LARGE1: variants seen among roughly 807,000 people sequenced by gnomAD.
The protein encoded by LARGE1 is xylosyl- and glucuronyltransferase LARGE1.
A neutral mutation model predicts 87.6 loss-of-function variants in LARGE1; 43 were observed. That is an observed-to-expected ratio of 0.49 (90% confidence interval 0.38 to 0.63). The LOEUF is 0.63. Ranked by LOEUF, LARGE1 falls within the 30% of genes least tolerant of loss-of-function variation. LARGE1 has a pLI of 0.00. For synonymous variants in LARGE1, 434 were observed against 394.6 expected (o/e 1.10, Z -1.18); for missense variants, 802 against 1,000.2 (o/e 0.80, Z 2.67).
chr22:33,421,214 CAAT>C (rs2066683841), intron 7 of LARGE1, among the ~76,000 whole-genome samples: 3 of 55,550 alleles, frequency 5.4e-5, no homozygotes, highest in Non-Finnish European at 1.2e-4. Context: ...AAAATAAAAT[CAAT>C]CAATCAATCA....
intron 3 of LARGE1, among the ~76,000 whole-genome samples, chr22:33,640,752 G>T (rs114162427): frequency 6.6e-6 from 1 of 152,166 alleles, no homozygotes; most frequent in African/African-American, 2.4e-5. Flanking sequence ...GGTGGAGAAA[G>T]GGGCGTCCAC....
chr22:33,141,032 A>G, the LARGE1 span, among the ~76,000 whole-genome samples: 1 of 152,196 alleles, frequency 6.6e-6, no homozygotes, highest in Admixed American at 6.5e-5. Flanking sequence ...TTGCTGGTGA[A>G]GGAGTCATTA....
At position 33,490,891 on chromosome 22, in the gene LARGE1, T is replaced by C. The variant is rs930829126; in HGVS notation, c.788-58626A>G. 2.0e-5 allele frequency among the ~76,000 whole-genome samples: 3 copies of C among 152,208 alleles called. No homozygotes were observed. The South Asian group carries it at 6.2e-4, about 31-fold the overall frequency. On this transcript the variant is annotated intron_variant, in intron 6 of 14. Transcript: ENST00000397394. ...CTCTGTTGTTCACCTCTTCCTACCA[T>C]TGTCGCCAGTTTCCTGGGTACTCTT...
At chr22:33,515,118 T>TAA (rs57550411) in intron 6 of LARGE1, among the ~76,000 whole-genome samples, 1 of 134,426 alleles carries the variant, frequency 7.4e-6, no homozygotes. Flanking sequence ...CAGGTGTAGC[T>TAA]AAAAAAAAAA....
At chr22:33,594,515 C>A (rs2078926190) in intron 5 of LARGE1, among the ~76,000 whole-genome samples, 1 of 152,192 alleles carries the variant, frequency 6.6e-6, no homozygotes, top group East Asian at 1.9e-4. Context: ...TTACCCTGCC[C>A]ATTGCTTTCT....
intron 2 of LARGE1, among the ~76,000 whole-genome samples, chr22:33,682,465 A>T (rs1401396885): frequency 6.6e-6 from 1 of 152,132 alleles, no homozygotes; most frequent in Non-Finnish European, 1.5e-5. Context: ...TTGCCCCCAA[A>T]TGGGAAATTC....
chr22:33,150,890 C>T, the LARGE1 span, among the ~76,000 whole-genome samples: 8 of 151,894 alleles, frequency 5.3e-5, no homozygotes, highest in South Asian at 2.1e-4. Flanking sequence ...GTGATTCATC[C>T]GCTTTATTTT....
chr22:33,104,779 A>C, the LARGE1 span, among the ~76,000 whole-genome samples: 1 of 152,086 alleles, frequency 6.6e-6, no homozygotes, highest in African/African-American at 2.4e-5. Flanking sequence ...TTGTCTTTTC[A>C]AGACCCAGCC....
chr22:33,158,507 T>C (rs545965522), downstream of LARGE1, among the ~76,000 whole-genome samples: 14 of 152,290 alleles, frequency 9.2e-5, no homozygotes, highest in South Asian at 2.9e-3. Flanking sequence ...ATCTTCCCTC[T>C]AGCTTTGAAA....
intron 1 of LARGE1, among the ~76,000 whole-genome samples, chr22:33,806,232 C>T (rs2086305364): frequency 6.6e-6 from 1 of 152,156 alleles, no homozygotes; most frequent in African/African-American, 2.4e-5. Flanking sequence ...CTGCCCTTTG[C>T]TAGAAATTAA....
intron 9 of LARGE1, among the ~76,000 whole-genome samples, chr22:33,348,859 C>G (rs1428220291): frequency 6.6e-6 from 1 of 151,906 alleles, no homozygotes; most frequent in African/African-American, 2.4e-5. Context: ...GTGGGAGGGG[C>G]TTGGTGGGAG....
intron 7 of LARGE1, among the ~76,000 whole-genome samples, chr22:33,413,416 C>T (rs929030424): frequency 1.3e-5 from 2 of 151,988 alleles, no homozygotes; most frequent in Non-Finnish European, 1.5e-5. Context: ...ACCTCTCCCC[C>T]GAAACACTCT....
At chr22:33,632,869 T>C (rs1162920729) in intron 3 of LARGE1, among the ~76,000 whole-genome samples, 1 of 152,196 alleles carries the variant, frequency 6.6e-6, no homozygotes, top group Admixed American at 6.5e-5. Context: ...TTTACAAAGC[T>C]CTTGAGTAAT....
At chr22:33,089,476 C>CTTCCTCTTCCTCTTCT in the LARGE1 span, among the ~76,000 whole-genome samples, 9 of 90,754 alleles carry the variant, frequency 9.9e-5, no homozygotes, top group Admixed American at 3.7e-4. Context: ...CTTCTTCTTC[C>CTTCCTCTTCCTCTTCT]TCTTCCTCTT....
At chr22:33,646,247 A>G (rs1397044903) in intron 3 of LARGE1, among the ~76,000 whole-genome samples, 1 of 152,208 alleles carries the variant, frequency 6.6e-6, no homozygotes, top group African/African-American at 2.4e-5. Flanking sequence ...ATGGAATACT[A>G]TGCGGCCATA....
At chr22:33,573,248 G>A (rs1354456204) in intron 5 of LARGE1, among the ~76,000 whole-genome samples, 2 of 152,076 alleles carry the variant, frequency 1.3e-5, no homozygotes, top group Non-Finnish European at 2.9e-5. Context: ...AGACCAGCCT[G>A]GCCAACATGG....
intron 13 of LARGE1, among the ~76,000 whole-genome samples, chr22:33,278,749 C>A (rs1458350654): frequency 6.6e-6 from 1 of 152,036 alleles, no homozygotes; most frequent in Non-Finnish European, 1.5e-5. Context: ...GGGATGGAGT[C>A]TCGCTCTGTC....
At chr22:33,818,444 A>C (rs1043102082) in intron 1 of LARGE1, among the ~76,000 whole-genome samples, 1 of 152,128 alleles carries the variant, frequency 6.6e-6, no homozygotes, top group Non-Finnish European at 1.5e-5. Context: ...AAGGAAGAAT[A>C]AGAGGGAGAA....
intron 11 of LARGE1, among the ~76,000 whole-genome samples, chr22:33,313,191 T>C (rs941201483): frequency 2.6e-5 from 4 of 152,138 alleles, no homozygotes; most frequent in African/African-American, 9.7e-5. Context: ...TGTTCCCCAC[T>C]GGCCCTGACG....
Sources: gnomAD v4.1 joint callset for allele counts (sites outside exome capture counted in the v4.1 genomes callset) on GRCh38, gnomAD v4.1.1 for gene constraint, MANE v1.5 for transcripts, NCBI Gene and HGNC (gene_info 2026-07-23, HGNC 2026-07-21) for gene names.